The following GABRA3 variants were observed in gnomAD, a reference collection of about 807,000 sequenced individuals.
GABRA3 encodes gamma-aminobutyric acid type A receptor subunit alpha3.
A neutral mutation model predicts 30.1 loss-of-function variants in GABRA3; 10 were observed. The ratio of observed to expected loss-of-function variants is 0.33; its 90% CI spans 0.20 to 0.56. GABRA3 has a LOEUF of 0.56. GABRA3 is among the 20% of genes least tolerant of loss of function. The pLI, the probability that GABRA3 is intolerant of heterozygous loss-of-function variation, is 0.89. For synonymous variants in GABRA3, 151 were observed against 146.8 expected, an observed-to-expected ratio of 1.03 and a Z score of -0.21; for missense variants, 233 against 392.0, an observed-to-expected ratio of 0.59 and a Z score of 3.42.
In GABRA3 at chrX:152,168,100, G is replaced by C; in HGVS notation, c.*128C>G. 5.9e-6 allele frequency: 3 copies of C among 507,114 alleles called. No homozygotes were observed. In the South Asian group the frequency reaches 9.5e-5, roughly 16 times the overall value. 41.8% of individuals were successfully genotyped at this position (507,114 alleles called of 1,213,427 possible). ...GCGTAGAGATTCATAAATATGAATT[G>C]AGGGTCACAGCTTGGTAGAGGGGTA... On this transcript the variant is annotated 3_prime_UTR_variant, in exon 10 of 10. Coordinates refer to ENST00000370314, the MANE Select transcript of GABRA3 (RefSeq NM_000808.4).
intron 1 of GABRA3, among the ~76,000 whole-genome samples, chrX:152,384,885 TACA>T (rs1228473975): frequency 9.0e-6 from 1 of 111,405 alleles, no homozygotes; most frequent in East Asian, 2.8e-4. Context: ...AAAGAATTCC[TACA>T]ACATCATAAG....
intron 1 of GABRA3, among the ~76,000 whole-genome samples, chrX:152,383,388 C>CAAAAAAAAAAAAAAAAAAAAAA (rs34736587): frequency 2.8e-5 from 1 of 35,459 alleles, no homozygotes; most frequent in African/African-American, 1.1e-4. Context: ...GACTCCATCT[C>CAAAAAAAAAAAAAAAAAAAAAA]AAAAAAAAAA....
At chrX:152,348,153 G>A (rs55661741) in intron 2 of GABRA3, among the ~76,000 whole-genome samples, 13,500 of 111,131 alleles carry the variant, frequency 0.12, 673 homozygotes, top group African/African-American at 0.18. Flanking sequence ...TGCGACCTAA[G>A]TAGAACTCTT....
chrX:152,222,758 G>A (rs928926077), intron 6 of GABRA3, among the ~76,000 whole-genome samples: 3 of 110,060 alleles, frequency 2.7e-5, no homozygotes, highest in East Asian at 2.9e-4. Flanking sequence ...ATCTCATAAC[G>A]GACTTGTGCT....
At chrX:152,275,469 A>ATATATTTAAATATTTATTTTAAATATT (rs1307337415) in intron 4 of GABRA3, among the ~76,000 whole-genome samples, 1 of 106,679 alleles carries the variant, frequency 9.4e-6, no homozygotes, top group African/African-American at 3.4e-5. Context: ...AATATCAAAT[A>ATATATTTAAATATTTATTTTAAATATT]AATAGAGCTG....
chrX:152,390,453 T>C (rs1929447142), intron 1 of GABRA3, among the ~76,000 whole-genome samples: 1 of 111,966 alleles, frequency 8.9e-6, no homozygotes, highest in Admixed American at 9.4e-5. Context: ...ATAACTATGG[T>C]GATGCACATA....
chrX:152,389,280 A>G (rs1360596662), intron 1 of GABRA3: 2 of 112,356 alleles, frequency 1.8e-5, no homozygotes, highest in African/African-American at 6.5e-5. Flanking sequence ...ATAACAAACA[A>G]CCTCAGATTA....
intron 1 of GABRA3, among the ~76,000 whole-genome samples, chrX:152,429,401 G>A (rs753692986): frequency 3.6e-5 from 4 of 110,313 alleles, no homozygotes; most frequent in South Asian, 7.9e-4. Flanking sequence ...AGCAACCAGA[G>A]GGGGCCATAA....
intron 1 of GABRA3, among the ~76,000 whole-genome samples, chrX:152,392,656 G>C (rs1929522090): frequency 8.9e-6 from 1 of 111,875 alleles, no homozygotes; most frequent in Non-Finnish European, 1.9e-5. Context: ...TATTTCAAAT[G>C]TAGGTGGCAA....
intron 5 of GABRA3, among the ~76,000 whole-genome samples, chrX:152,227,556 A>T (rs750236207): frequency 4.7e-4 from 50 of 106,422 alleles, no homozygotes; most frequent in East Asian, 3.8e-3. Context: ...TATATATATT[A>T]AAAAAAGTTA....
intron 3 of GABRA3, among the ~76,000 whole-genome samples, chrX:152,286,431 T>C (rs910892484): frequency 9.0e-6 from 1 of 110,544 alleles, no homozygotes; most frequent in African/African-American, 3.3e-5. Flanking sequence ...CAGCCCAGCA[T>C]AGCTGACCTG....
At chrX:152,220,328 T>C (rs191668323) in intron 6 of GABRA3, among the ~76,000 whole-genome samples, 30 of 111,990 alleles carry the variant, frequency 2.7e-4, no homozygotes, top group Middle Eastern at 4.6e-3. Flanking sequence ...AGATTCTATA[T>C]ACACTTATGT....
intron 2 of GABRA3, among the ~76,000 whole-genome samples, chrX:152,349,340 G>A (rs1000306289): frequency 9.1e-5 from 10 of 110,490 alleles, no homozygotes; most frequent in East Asian, 2.8e-4. Flanking sequence ...GGTACCAGCC[G>A]CTGCAAAATC....
At position 152,330,199 on chromosome X, in the gene GABRA3, A is replaced by G. The variant is rs1312141179; in HGVS notation, c.262+15382T>C. 3.6e-5 allele frequency among the ~76,000 whole-genome samples: 4 copies of G among 112,021 alleles called. No individual in the cohort carries two copies. The Admixed American group carries it at 3.8e-4, about 11-fold the overall frequency. On this transcript the variant is annotated intron_variant, in intron 3 of 9. Transcript: ENST00000370314. ...GGGATCATTAAAAAGTCAGGAAACAACAGGTGTTGGAAAGGATGTGGAGAA... is the reference window on the plus strand; with the variant it reads ...GGGATCATTAAAAAGTCAGGAAACAGCAGGTGTTGGAAAGGATGTGGAGAA...
chrX:152,304,728 T>G (rs1180003373), intron 3 of GABRA3, among the ~76,000 whole-genome samples: 1 of 112,251 alleles, frequency 8.9e-6, no homozygotes. Flanking sequence ...TAGGCTAATG[T>G]GATGCCTCCA....
chrX:152,334,133 T>C (rs1224564201), intron 3 of GABRA3, among the ~76,000 whole-genome samples: 1 of 112,121 alleles, frequency 8.9e-6, no homozygotes, highest in Non-Finnish European at 1.9e-5. Context: ...ACTAGCCTAA[T>C]AGACAGAGAA....
chrX:152,330,447 G>C lies in GABRA3; in HGVS notation c.262+15134C>G, dbSNP rs761514089. ...CACAATAGCAAAGACTTGTAACCAA[G>C]CCAAATGTCCATCAATGATAGACTG... is the stretch of plus-strand genomic sequence containing the variant. On this transcript the variant is annotated intron_variant, in intron 3 of 9. Coordinates refer to ENST00000370314, the MANE Select transcript of GABRA3 (RefSeq NM_000808.4). Among the ~76,000 whole-genome samples the C allele has an allele frequency of 5.3e-3, 591 of 111,894 alleles. 4 individuals carry two copies. The highest frequency in any genetic ancestry group is 7.9e-3 in the Non-Finnish European group (421 of 53,187).
intron 1 of GABRA3, among the ~76,000 whole-genome samples, chrX:152,447,364 G>A (rs927531692): frequency 6.3e-5 from 7 of 111,562 alleles, no homozygotes; most frequent in African/African-American, 2.0e-4. Context: ...GAGATACCAA[G>A]TAACCCTCTG....
At chrX:152,362,831 C>T (rs1186758294) in intron 2 of GABRA3, among the ~76,000 whole-genome samples, 1 of 111,904 alleles carries the variant, frequency 8.9e-6, no homozygotes, top group East Asian at 2.8e-4. Context: ...CAACTGGGTA[C>T]ACAGTGGTAC....
Sources: gnomAD v4.1 joint callset for allele counts (sites outside exome capture counted in the v4.1 genomes callset) on GRCh38, gnomAD v4.1.1 for gene constraint, MANE v1.5 for transcripts, NCBI Gene and HGNC (gene_info 2026-07-23, HGNC 2026-07-21) for gene names.